The following STAMBPL1 variants were observed in gnomAD, a reference collection of about 807,000 sequenced individuals.
The protein encoded by STAMBPL1 is AMSH-like protease.
Under a neutral mutation model 52.9 loss-of-function variants are expected in STAMBPL1, and 44 were observed. The observed-to-expected ratio is 0.83, with a 90% CI of 0.65 to 1.07. STAMBPL1 has a LOEUF of 1.07. Among genes scored for constraint, STAMBPL1 ranks in the 50% least tolerant of loss-of-function variants. STAMBPL1 has a pLI of 0.00. For synonymous variants in STAMBPL1, 164 were observed against 177.3 expected, an observed-to-expected ratio of 0.92 and a Z score of 0.60; for missense variants, 511 against 520.8, an observed-to-expected ratio of 0.98 and a Z score of 0.18.
At chr10:88,881,278 C>G (rs956714863) in intron 1 of STAMBPL1, among the ~76,000 whole-genome samples, 1 of 152,006 alleles carries the variant, frequency 6.6e-6, no homozygotes, top group East Asian at 1.9e-4. Flanking sequence ...AAACAACCCA[C>G]GCTGCTGATA....
chr10:88,897,525 TGTA>T (rs1844841698), intron 1 of STAMBPL1, among the ~76,000 whole-genome samples: 1 of 152,158 alleles, frequency 6.6e-6, no homozygotes. Context: ...ATCACAAGGC[TGTA>T]GTTCAGATGA....
At chr10:88,901,880 T>A (rs1413036016) in intron 2 of STAMBPL1, 142 bp downstream of exon 2, 1 of 712,966 alleles carries the variant, frequency 1.4e-6, no homozygotes, top group Non-Finnish European at 2.3e-6. Flanking sequence ...GTTGTCTTCT[T>A]TGAGGAAGTG....
intron 1 of STAMBPL1, among the ~76,000 whole-genome samples, chr10:88,891,288 A>G (rs12245668): frequency 0.072 from 11,004 of 152,242 alleles, 1,003 homozygotes; most frequent in African/African-American, 0.21. Flanking sequence ...CCTAGATACC[A>G]TAAAGAAAAT....
In STAMBPL1 at chr10:88,922,453, AGTTATTT is replaced by A; in HGVS notation, c.1254+18_1254+24del. On this transcript the variant is annotated intron_variant, in intron 10 of 10. Coordinates refer to ENST00000371926, the MANE Select transcript of STAMBPL1 (RefSeq NM_020799.4). ...CTGTTCAGTGTGAGTACATCATATT[AGTTATTT>A]TTCCAGGTATTTCTTGTTCACTGCC... 1 of 1,610,838 alleles carries A rather than the reference AGTTATTT, an allele frequency of 6.2e-7. No individual in the cohort carries two copies. The highest frequency in any genetic ancestry group is 8.5e-7 in the Non-Finnish European group (1 of 1,177,882).
intron 1 of STAMBPL1, among the ~76,000 whole-genome samples, chr10:88,895,097 C>T (rs1025147061): frequency 1.3e-5 from 2 of 152,194 alleles, no homozygotes; most frequent in Admixed American, 6.5e-5. Context: ...CTCATTCCAC[C>T]CTTGGGTTCT....
chr10:88,911,051 G>A (rs757279692), intron 5 of STAMBPL1, 40 bp downstream of exon 5: 4 of 1,287,410 alleles, frequency 3.1e-6, no homozygotes, highest in African/African-American at 1.5e-5. Context: ...ACTATTTTAT[G>A]TACAAGTATT....
At chr10:88,912,276 T>TC (rs1845245112) in intron 5 of STAMBPL1, 1 of 152,162 alleles carries the variant, frequency 6.6e-6, no homozygotes, top group African/African-American at 2.4e-5. Flanking sequence ...ATAAGCTGTG[T>TC]CCCCCATGCT....
At chr10:88,902,165 G>T (rs1391274726) in intron 2 of STAMBPL1, among the ~76,000 whole-genome samples, 5 of 152,256 alleles carry the variant, frequency 3.3e-5, no homozygotes, top group Non-Finnish European at 5.9e-5. Flanking sequence ...AAATGTCTTT[G>T]TACTTGAAGC....
At chr10:88,913,739 T>C (rs192564374) in intron 6 of STAMBPL1, among the ~76,000 whole-genome samples, 4 of 152,278 alleles carry the variant, frequency 2.6e-5, no homozygotes, top group Admixed American at 2.6e-4. Context: ...GAATTTCAAG[T>C]ACTTTTGTCT....
At chr10:88,921,892 G>A (rs1409195519) in intron 9 of STAMBPL1, among the ~76,000 whole-genome samples, 1 of 152,146 alleles carries the variant, frequency 6.6e-6, no homozygotes, top group Non-Finnish European at 1.5e-5. Context: ...GCCCATCGGG[G>A]ATGGATGTAA....
chr10:88,921,649 C>T (rs1439721819), intron 9 of STAMBPL1, among the ~76,000 whole-genome samples: 1 of 152,090 alleles, frequency 6.6e-6, no homozygotes, highest in African/African-American at 2.4e-5. Context: ...AGATGCTATC[C>T]CAGTTAGCCT....
Position 88,914,518 on chromosome 10 carries a change from C to T in STAMBPL1, c.779-16C>T. On this transcript the variant is annotated splice_polypyrimidine_tract_variant and intron_variant, in intron 6 of 10. Coordinates refer to ENST00000371926, the MANE Select transcript of STAMBPL1 (RefSeq NM_020799.4). ...TAGTTTGTTTTTTAGCCTTTTCTCC[C>T]TTTTTTGTTTCTTAGATTTAGTGGT... 2.0e-6 allele frequency: 3 copies of T among 1,478,698 alleles called. No homozygotes were observed. Among genetic ancestry groups the T allele is most frequent in the Non-Finnish European group, 2.7e-6 (3 of 1,111,830 alleles). The allele number at this position is 1,478,698 out of a possible 1,614,324, so 91.6% of individuals were successfully genotyped here. A position where few individuals can be genotyped will look rare whatever the true frequency, so the allele number is the denominator to read the frequency against.
intron 1 of STAMBPL1, among the ~76,000 whole-genome samples, chr10:88,893,618 G>A (rs776409569): frequency 2.6e-5 from 4 of 152,146 alleles, no homozygotes; most frequent in Non-Finnish European, 4.4e-5. Flanking sequence ...GTGCATGCCT[G>A]TAATCCCAGC....
rs781638047 is a variant in STAMBPL1, at chr10:88,920,137, C to T, written c.1042-1146C>T. Among the ~76,000 whole-genome samples, 7 of 152,134 alleles carry T rather than the reference C, an allele frequency of 4.6e-5. No homozygotes were observed. The South Asian group carries it at 6.2e-4, about 14-fold the overall frequency. On this transcript the variant is annotated intron_variant, in intron 8 of 10. Coordinates refer to ENST00000371926, the MANE Select transcript of STAMBPL1 (RefSeq NM_020799.4). The stretch of plus-strand genomic sequence containing the variant: ...AAGTGTTGGGATTACAGGCATGAGC[C>T]GGTATGCCTGGCCTAAAAATAGTTT...
chr10:88,888,036 G>A (rs983954162), intron 1 of STAMBPL1, among the ~76,000 whole-genome samples: 4 of 152,142 alleles, frequency 2.6e-5, no homozygotes, highest in African/African-American at 9.7e-5. Context: ...ATAAAGGTAC[G>A]ATATATTGCC....
At position 88,918,138 on chromosome 10, in the gene STAMBPL1, A is replaced by T. The variant is rs544903410; in HGVS notation, c.1041+1321A>T. On this transcript the variant is annotated intron_variant, in intron 8 of 10. Transcript: ENST00000371926. ...ACCATTCAAACCATAGCATGTTAGG[A>T]TAAGCCATCCCACTGAGATGGGATA... 3.9e-5 allele frequency among the ~76,000 whole-genome samples: 6 copies of T among 152,304 alleles called. No homozygotes were observed. The South Asian group carries it at 1.2e-3, about 32-fold the overall frequency.
chr10:88,899,516 T>A lies in STAMBPL1; in HGVS notation c.-53-2140T>A, dbSNP rs565953093. Among the ~76,000 whole-genome samples, 9 of 152,310 alleles carry A rather than the reference T, an allele frequency of 5.9e-5. 1 individual carries two copies. The South Asian group carries it at 1.7e-3, about 28-fold the overall frequency. ...AAAAGAAATAATTCTACTTTTTAAA[T>A]ATTTTATTTTTGAGCTGGAGTCTCG... is the stretch of plus-strand genomic sequence containing the variant. On this transcript the variant is annotated intron_variant, in intron 1 of 10. Transcript: ENST00000371926.
chr10:88,920,013 C>T (rs917255373), intron 8 of STAMBPL1, among the ~76,000 whole-genome samples: 11 of 151,416 alleles, frequency 7.3e-5, no homozygotes, highest in Admixed American at 5.9e-4. Context: ...ATTAAAAAAA[C>T]TTTTTTTTTG....
chr10:88,898,189 CTATT>C (rs1564624370), intron 1 of STAMBPL1, among the ~76,000 whole-genome samples: 1 of 152,014 alleles, frequency 6.6e-6, no homozygotes, highest in Admixed American at 6.6e-5. Flanking sequence ...TGAGTTATAT[CTATT>C]TATATTTACT....
Sources: gnomAD v4.1 joint callset for allele counts (sites outside exome capture counted in the v4.1 genomes callset) on GRCh38, gnomAD v4.1.1 for gene constraint, MANE v1.5 for transcripts, NCBI Gene and HGNC (gene_info 2026-07-23, HGNC 2026-07-21) for gene names.